Variants in ZNF337 observed in about 807,000 individuals in gnomAD.
The protein encoded by ZNF337 is zinc finger protein 337.
Under a neutral mutation model 12.1 loss-of-function variants are expected in ZNF337, and 8 were observed. The ratio of observed to expected loss-of-function variants is 0.66; its 90% confidence interval spans 0.39 to 1.19. The LOEUF (loss-of-function observed/expected upper bound fraction) is 1.19. Ranked by LOEUF, ZNF337 falls within the 50% of genes most tolerant of loss-of-function variation. ZNF337 has a pLI of 0.01. For missense variants in ZNF337, 882 were observed against 896.6 expected (o/e 0.98, Z 0.21); for synonymous variants, 336 against 320.0 (o/e 1.05, Z -0.53).
chr20:25,696,179 A>G (rs970461307), intron 1 of ZNF337, among the ~76,000 whole-genome samples: 11 of 146,566 alleles, frequency 7.5e-5, no homozygotes, highest in African/African-American at 2.8e-4. Flanking sequence ...GATCGTCCCA[A>G]GGCGGGGTGC....
At chr20:25,693,041 C>A (rs977639443) in intron 1 of ZNF337, among the ~76,000 whole-genome samples, 1 of 152,204 alleles carries the variant, frequency 6.6e-6, no homozygotes, top group Non-Finnish European at 1.5e-5. Flanking sequence ...GCTTGCTCCA[C>A]AACCCAGTCC....
chr20:25,679,104 G>C (rs1474801797), intron 4 of ZNF337, among the ~76,000 whole-genome samples: 1 of 152,176 alleles, frequency 6.6e-6, no homozygotes, highest in Admixed American at 6.5e-5. Flanking sequence ...TAGAAAAAGT[G>C]AATTCCAAAA....
At position 25,696,786 on chromosome 20, in the gene ZNF337, G is replaced by C. The variant is rs1399164963; in HGVS notation, c.-77C>G. The C allele has an allele frequency of 1.1e-5, 11 of 985,432 alleles. No homozygotes were observed. Among genetic ancestry groups the C allele is most frequent in the African/African-American group, 1.7e-5 (1 of 57,264 alleles). The allele number at this position is 985,432 out of a possible 1,614,324, so 61.0% of individuals were successfully genotyped here. ...GGGCGGCTGAGGGCGAACCGAGGCG[G>C]TGAGGTCACCGATGGTGGACCACGC... On this transcript the variant is annotated 5_prime_UTR_variant, in exon 1 of 5. Transcript: ENST00000252979.
chr20:25,674,889 G>T lies in ZNF337; in HGVS notation c.*143C>A. 1.4e-6 allele frequency: 1 copy of T among 713,950 alleles called. No homozygotes were observed. Among genetic ancestry groups the T allele is most frequent in the Non-Finnish European group, 2.3e-6 (1 of 437,126 alleles). 44.2% of individuals were successfully genotyped at this position (713,950 alleles called of 1,614,324 possible). ...TGAATCTCTTGGGGACACATGGGTT[G>T]AATTCAGGTTCTCTGTAGCCCTCTG... On this transcript the variant is annotated 3_prime_UTR_variant, in exon 5 of 5. Coordinates refer to ENST00000252979, the MANE Select transcript of ZNF337 (RefSeq NM_015655.4).
At position 25,675,757 on chromosome 20, in the gene ZNF337, A is replaced by G. The variant is rs146168838; in HGVS notation, c.1531T>C (p.Leu511=). The change falls in exon 5 of 5, where the codon TTG becomes CTG. Residue 511 remains leucine (L), a synonymous_variant. Transcript: ENST00000252979. The part of the protein sequence containing the change: ...SSYNKHLRAH[L]GEKRFFCRDC... ...CTGCAGAAAAAACGTTTCTCACCCA[A>G]GTGTGCCCTCAGGTGCTTGTTATAG... The G allele has an allele frequency of 6.2e-6, 10 of 1,613,838 alleles. No homozygotes were observed. The Admixed American group carries it at 1.7e-4, about 27-fold the overall frequency.
intron 1 of ZNF337, among the ~76,000 whole-genome samples, chr20:25,692,576 A>G (rs2065890609): frequency 6.6e-6 from 1 of 152,156 alleles, no homozygotes; most frequent in Non-Finnish European, 1.5e-5. Context: ...TTCATAGTAA[A>G]TTTGAAAAAA....
chr20:25,689,029 C>A (rs561016420), intron 1 of ZNF337, among the ~76,000 whole-genome samples: 42 of 150,188 alleles, frequency 2.8e-4, no homozygotes, highest in Non-Finnish European at 4.9e-4. Flanking sequence ...CCCAGCTACT[C>A]GGGAGGCTGA....
intron 1 of ZNF337, among the ~76,000 whole-genome samples, chr20:25,693,824 G>A (rs1363684895): frequency 6.6e-6 from 1 of 152,198 alleles, no homozygotes; most frequent in Non-Finnish European, 1.5e-5. Context: ...CCCTTACCCT[G>A]CAGACAGTCC....
chr20:25,684,056 A>T (rs2065798276), intron 4 of ZNF337, among the ~76,000 whole-genome samples: 1 of 152,006 alleles, frequency 6.6e-6, no homozygotes, highest in Admixed American at 6.6e-5. Flanking sequence ...CTTTACAGGG[A>T]CATGGATGAA....
intron 1 of ZNF337, among the ~76,000 whole-genome samples, chr20:25,687,711 G>A (rs1281629825): frequency 1.3e-5 from 2 of 152,198 alleles, no homozygotes; most frequent in Admixed American, 1.3e-4. Context: ...CAGATAAAAC[G>A]TTAAATATCT....
At chr20:25,677,290 C>G (rs904511010) in intron 4 of ZNF337, 5 of 391,276 alleles carry the variant, frequency 1.3e-5, no homozygotes, top group Non-Finnish European at 2.3e-5. Context: ...AACTACAGGC[C>G]AATATCCCTG....
chr20:25,680,564 TAGAA>T (rs996875414), intron 4 of ZNF337, among the ~76,000 whole-genome samples: 1 of 152,142 alleles, frequency 6.6e-6, no homozygotes, highest in African/African-American at 2.4e-5. Context: ...AGCAAACTGA[TAGAA>T]AGTACTGCTG....
chr20:25,692,700 C>A (rs6037195), intron 1 of ZNF337, among the ~76,000 whole-genome samples: 23,651 of 152,070 alleles, frequency 0.16, 3,862 homozygotes, highest in African/African-American at 0.42. Flanking sequence ...CCATCTGTTG[C>A]CATCTGTGGG....
In ZNF337 at chr20:25,675,181, GCA is replaced by G; in HGVS notation, c.2105_2106del (p.Val702AlafsTer2). The G allele has an allele frequency of 1.2e-6, 2 of 1,614,240 alleles. No individual in the cohort carries two copies. Among genetic ancestry groups the G allele is most frequent in the Non-Finnish European group, 1.7e-6 (2 of 1,180,040 alleles). ...CTCTCTCCTGTGTGTATTCTTTCAT[GCA>G]CAGTGAGGTCTGACTTACTGGTATA... ...RGYTSKSDLT[V>X]HERIHTGERP... On this transcript the variant is annotated frameshift_variant, in exon 5 of 5. Coordinates refer to ENST00000252979, the MANE Select transcript of ZNF337 (RefSeq NM_015655.4). LOFTEE classifies it low-confidence loss of function (END_TRUNC).
At chr20:25,678,397 T>C (rs1271652182) in intron 4 of ZNF337, among the ~76,000 whole-genome samples, 1 of 152,178 alleles carries the variant, frequency 6.6e-6, no homozygotes, top group Non-Finnish European at 1.5e-5. Context: ...AGACATCTTA[T>C]GTTCATGGAG....
rs377246019 is a variant in ZNF337 at position 25,674,691 on chromosome 20, G to T, written c.*341C>A. On this transcript the variant is annotated 3_prime_UTR_variant, in exon 5 of 5. Coordinates refer to ENST00000252979, the MANE Select transcript of ZNF337 (RefSeq NM_015655.4). ...GGGGAGAGTGTAACAGGCCTGCCTT[G>T]GTATCCCTGCTCTGCAGTCACTGGC... 8 of 268,700 alleles carry T rather than the reference G, an allele frequency of 3.0e-5. No homozygotes were observed. Among genetic ancestry groups the T allele is most frequent in the African/African-American group, 1.5e-4 (7 of 45,856 alleles). 16.6% of individuals were successfully genotyped at this position (268,700 alleles called of 1,614,324 possible).
intron 1 of ZNF337, among the ~76,000 whole-genome samples, chr20:25,688,871 G>GTAACGCCTT (rs1264526783): frequency 2.0e-5 from 3 of 152,302 alleles, no homozygotes; most frequent in Admixed American, 2.0e-4. Context: ...GCTCACGCCT[G>GTAACGCCTT]TAATCCTAGC....
At chr20:25,690,214 C>T (rs1354180268) in intron 1 of ZNF337, among the ~76,000 whole-genome samples, 1 of 152,122 alleles carries the variant, frequency 6.6e-6, no homozygotes, top group African/African-American at 2.4e-5. Context: ...CAGCAATGAG[C>T]CTTGAATATG....
intron 1 of ZNF337, among the ~76,000 whole-genome samples, chr20:25,688,074 G>A (rs1229836674): frequency 6.6e-6 from 1 of 152,122 alleles, no homozygotes; most frequent in East Asian, 1.9e-4. Context: ...AAACATTTTT[G>A]TTATTTCTTT....
Sources: gnomAD v4.1 joint callset for allele counts (sites outside exome capture counted in the v4.1 genomes callset) on GRCh38, gnomAD v4.1.1 for gene constraint, MANE v1.5 for transcripts, NCBI Gene and HGNC (gene_info 2026-07-23, HGNC 2026-07-21) for gene names.